DOCK1: variants seen among roughly 807,000 people sequenced by gnomAD.
DOCK1 encodes dedicator of cytokinesis protein 1.
A neutral mutation model predicts 262.7 loss-of-function variants in DOCK1; 138 were observed. The ratio of observed to expected loss-of-function variants is 0.53; its 90% CI spans 0.46 to 0.61. The LOEUF is 0.61. Ranked by LOEUF, DOCK1 falls within the 20% of genes least tolerant of loss-of-function variation. The probability of loss-of-function intolerance (pLI) is 0.00; values close to 1 mark genes in which losing one functional copy is unlikely to be tolerated. For missense variants in DOCK1, 1,908 were observed against 2,370.7 expected (o/e 0.80, Z 4.05); for synonymous variants, 866 against 867.4 (o/e 1.00, Z 0.03).
At chr10:127,205,272 G>A (rs796110894) in intron 27 of DOCK1, among the ~76,000 whole-genome samples, 6 of 152,144 alleles carry the variant, frequency 3.9e-5, no homozygotes, top group African/African-American at 1.2e-4. Flanking sequence ...TTTTTGGTCC[G>A]TGGGTGTTAA....
chr10:126,949,547 C>T (rs1233396237), intron 1 of DOCK1, among the ~76,000 whole-genome samples: 1 of 152,106 alleles, frequency 6.6e-6, no homozygotes, highest in Non-Finnish European at 1.5e-5. Context: ...TGCTTAATTT[C>T]AGAGCAGCAA....
chr10:127,227,474 C>T (rs1349002832), intron 27 of DOCK1, among the ~76,000 whole-genome samples: 4 of 152,188 alleles, frequency 2.6e-5, no homozygotes, highest in Non-Finnish European at 2.9e-5. Flanking sequence ...GCATATGGGC[C>T]GTAGCCTCTA....
chr10:127,370,721 A>G (rs1328782811), intron 33 of DOCK1, among the ~76,000 whole-genome samples: 2 of 152,184 alleles, frequency 1.3e-5, no homozygotes, highest in African/African-American at 2.4e-5. Context: ...AGACGTCAAT[A>G]TCGCTTCGAG....
At chr10:126,925,997 T>C (rs2134142848) in intron 1 of DOCK1, among the ~76,000 whole-genome samples, 1 of 152,236 alleles carries the variant, frequency 6.6e-6, no homozygotes, top group South Asian at 2.1e-4. Flanking sequence ...AACTCCTTAA[T>C]TCCTGTTTGA....
intron 1 of DOCK1, among the ~76,000 whole-genome samples, chr10:126,926,876 C>T (rs2033773145): frequency 6.6e-6 from 1 of 152,194 alleles, no homozygotes; most frequent in Non-Finnish European, 1.5e-5. Context: ...TTTCTGACAT[C>T]TGGCCTCTGA....
At chr10:127,016,652 TAC>T (rs140317971) in intron 12 of DOCK1, 5 of 75,816 alleles carry the variant, frequency 6.6e-5, no homozygotes, top group East Asian at 3.7e-4. Flanking sequence ...CACACACACA[TAC>T]ACACACACAC....
Position 127,064,715 on chromosome 10 carries a change from G to T in DOCK1, c.2445+2939G>T, listed in dbSNP as rs538975762. ...TCAGTGAATGGCCCTCAGCCCTGGG[G>T]CTGCAGCCAAATACTTTTTGAAAAC... On this transcript the variant is annotated intron_variant, in intron 23 of 51. Coordinates refer to ENST00000623213, the MANE Select transcript of DOCK1 (RefSeq NM_001290223.2). Among the ~76,000 whole-genome samples, 14 of 152,304 alleles carry T rather than the reference G, an allele frequency of 9.2e-5. No homozygotes were observed. The East Asian group carries it at 2.5e-3, about 27-fold the overall frequency.
At chr10:127,405,171 A>C (rs1417357423) in intron 40 of DOCK1, among the ~76,000 whole-genome samples, 2 of 152,192 alleles carry the variant, frequency 1.3e-5, no homozygotes, top group Non-Finnish European at 2.9e-5. Flanking sequence ...GGGAAATTGG[A>C]AATGGATCTG....
chr10:127,373,003 C>T (rs544803998), intron 33 of DOCK1, among the ~76,000 whole-genome samples: 3 of 152,284 alleles, frequency 2.0e-5, no homozygotes, highest in Admixed American at 2.0e-4. Context: ...GGGAACTGGG[C>T]AGTGAGGATG....
rs1397419204 is a variant in DOCK1 at position 127,175,991 on chromosome 10, G to A, written c.2847+48227G>A. The A allele has an allele frequency of 1.2e-6, 2 of 1,614,190 alleles. No individual in the cohort carries two copies. Among genetic ancestry groups the A allele is most frequent in the Non-Finnish European group, 1.7e-6 (2 of 1,180,040 alleles). On this transcript the variant is annotated intron_variant, in intron 27 of 51. Transcript: ENST00000623213. The surrounding 1 kb of genome is among the most constrained non-coding windows in gnomAD (Gnocchi z 6.3). ...GAAACCCATTGTTTTGGCTTTTAAAGGGATCTGCAGCTGGGAGGCTTTTGA... is the reference window on the plus strand; with the variant it reads ...GAAACCCATTGTTTTGGCTTTTAAAAGGATCTGCAGCTGGGAGGCTTTTGA...
At chr10:127,062,864 C>T (rs1253999139) in intron 23 of DOCK1, among the ~76,000 whole-genome samples, 1 of 152,234 alleles carries the variant, frequency 6.6e-6, no homozygotes, top group African/African-American at 2.4e-5. Context: ...AGCGAGCCTT[C>T]CAGTGCCCCT....
chr10:127,209,539 A>G (rs2057877927), intron 27 of DOCK1, among the ~76,000 whole-genome samples: 1 of 152,210 alleles, frequency 6.6e-6, no homozygotes, highest in Non-Finnish European at 1.5e-5. Context: ...CAGAGGCAAC[A>G]GTACAGCCCT....
intron 27 of DOCK1, among the ~76,000 whole-genome samples, chr10:127,170,948 C>T (rs1190310692): frequency 6.6e-6 from 1 of 152,184 alleles, no homozygotes; most frequent in Admixed American, 6.5e-5. Context: ...GACTAAAAGG[C>T]GTGATTTTGC....
chr10:127,049,405 C>T (rs2044564306), intron 21 of DOCK1, among the ~76,000 whole-genome samples: 1 of 152,008 alleles, frequency 6.6e-6, no homozygotes, highest in Non-Finnish European at 1.5e-5. Flanking sequence ...CCTGTAATCC[C>T]AGCTACTTGG....
rs531315054 is a variant in DOCK1 at position 127,436,603 on chromosome 10, A to G, written c.5061-2424A>G. ...CATGCCCCATCATGCAGTCTTGACA[A>G]TTATCAGCTTTTAACTAATCTTTTT... is the stretch of plus-strand genomic sequence containing the variant. On this transcript the variant is annotated intron_variant, in intron 48 of 51. Transcript: ENST00000623213. 5.4e-5 allele frequency among the ~76,000 whole-genome samples: 8 copies of G among 147,668 alleles called. No individual in the cohort carries two copies. The South Asian group carries it at 1.5e-3, about 29-fold the overall frequency.
At chr10:127,288,346 G>T (rs944705254) in intron 29 of DOCK1, among the ~76,000 whole-genome samples, 3 of 152,118 alleles carry the variant, frequency 2.0e-5, no homozygotes, top group Admixed American at 6.5e-5. Flanking sequence ...AATAAGCCAA[G>T]AATATATAGT....
At chr10:127,358,967 G>A (rs1380270228) in intron 32 of DOCK1, among the ~76,000 whole-genome samples, 1 of 152,106 alleles carries the variant, frequency 6.6e-6, no homozygotes, top group African/African-American at 2.4e-5. Flanking sequence ...CTATGAGACC[G>A]GCAAGGACTG....
At chr10:126,915,342 T>C (rs1186456632) in intron 1 of DOCK1, among the ~76,000 whole-genome samples, 2 of 151,780 alleles carry the variant, frequency 1.3e-5, no homozygotes, top group Non-Finnish European at 2.9e-5. Flanking sequence ...TTGCTACTTA[T>C]GTCCTATAGA....
At chr10:127,350,897 TAGAC>T (rs754610950) in intron 31 of DOCK1, among the ~76,000 whole-genome samples, 3 of 152,146 alleles carry the variant, frequency 2.0e-5, no homozygotes, top group Non-Finnish European at 4.4e-5. Flanking sequence ...GCTTGCCAGA[TAGAC>T]AGGGACATCA....
Sources: allele counts gnomAD v4.1 joint callset (sites outside exome capture counted in the v4.1 genomes callset), GRCh38; gene constraint gnomAD v4.1.1; non-coding constraint Gnocchi (gnomAD v3.1); transcripts MANE v1.5; gene names NCBI Gene and HGNC (gene_info 2026-07-23, HGNC 2026-07-21).